The following DNAH11 variants were observed in gnomAD, a reference collection of about 807,000 sequenced individuals.
The protein encoded by DNAH11 is axonemal beta dynein heavy chain 11.
Under a neutral mutation model 526.0 loss-of-function variants are expected in DNAH11, and 442 were observed. The ratio of observed to expected loss-of-function variants is 0.84; its 90% CI spans 0.78 to 0.91. The LOEUF is 0.91. Ranked by LOEUF, DNAH11 falls within the 40% of genes least tolerant of loss-of-function variation. The pLI, the probability that DNAH11 is intolerant of heterozygous loss-of-function variation, is 0.00. For missense variants in DNAH11, 6,989 were observed against 5,448.7 expected (o/e 1.28, Z -8.90); for synonymous variants, 2,461 against 1,935.9 (o/e 1.27, Z -7.12).
chr7:21,619,916 A>G (rs748466834), intron 24 of DNAH11, 40 bp from the exon 25 acceptor site: 5 of 1,529,426 alleles, frequency 3.3e-6, no homozygotes, highest in Admixed American at 4.2e-5. Flanking sequence ...TTGATTATCA[A>G]TTAAATTTTG....
intron 8 of DNAH11, among the ~76,000 whole-genome samples, chr7:21,572,960 G>GA (rs1373139390): frequency 1.3e-5 from 2 of 152,202 alleles, no homozygotes; most frequent in African/African-American, 4.8e-5. Flanking sequence ...AATACGTACA[G>GA]AATGGGATTC....
rs560268294 is a variant in DNAH11, at chr7:21,591,345, A to T, written c.2435A>T (p.Tyr812Phe). 7.4e-6 allele frequency: 12 copies of T among 1,613,780 alleles called. No homozygotes were observed. The South Asian group carries it at 1.3e-4, about 18-fold the overall frequency. The change falls in exon 14 of 82, where the codon TAC (tyrosine) becomes TTC (phenylalanine). Residue 812 changes from tyrosine to phenylalanine, a missense_variant. Transcript: ENST00000409508. ...WLTWQDDCWG[Y>F]IERVRAATSE... The stretch of plus-strand genomic sequence containing the variant: ...ACATGGCAGGATGACTGCTGGGGCT[A>T]CATCGAGAGGGTGAGGGCAGCCACG...
chr7:21,796,703 A>G (rs1303358340), intron 61 of DNAH11, among the ~76,000 whole-genome samples: 2 of 152,198 alleles, frequency 1.3e-5, no homozygotes, highest in Admixed American at 6.5e-5. Flanking sequence ...CACGTGTTAC[A>G]TCTTAGCCCA....
chr7:21,900,836 G>A, intron 81 of DNAH11, 171 bp from the exon 82 acceptor site: 1 of 1,103,972 alleles, frequency 9.1e-7, no homozygotes, highest in Non-Finnish European at 1.2e-6. Flanking sequence ...CTGCAGGCAG[G>A]GTAACCTACC....
In DNAH11 at chr7:21,807,358, G is replaced by A. The variant is rs1290439307; in HGVS notation, c.10166-525G>A. Among the ~76,000 whole-genome samples, 12 of 152,268 alleles carry A rather than the reference G, an allele frequency of 7.9e-5. No individual in the cohort carries two copies. In the East Asian group the frequency reaches 2.3e-3, roughly 29 times the overall value. On this transcript the variant is annotated intron_variant, in intron 62 of 81. Transcript: ENST00000409508. ...TACAAAAAATACAAAAATTTGCCAGGCGTGGTGGTGCATGCCTATAGTCCC... is the reference window on the plus strand; with the variant it reads ...TACAAAAAATACAAAAATTTGCCAGACGTGGTGGTGCATGCCTATAGTCCC...
In DNAH11 at chr7:21,564,350, C is replaced by T. The variant is rs200648006; in HGVS notation, c.1147C>T (p.Arg383Trp). ...SHSKFYNTPA[R>W]VIVLLQEFCN... ...TTCCAAGTTTTATAACACCCCAGCT[C>T]GGGTTATAGTTTTATTGCAAGAGTT... The change falls in exon 6 of 82, where the codon CGG (arginine) becomes TGG (tryptophan). Residue 383 changes from arginine (R) to tryptophan (W), a missense_variant. Arg to Trp is a moderately radical substitution (Grantham distance 101). Coordinates refer to ENST00000409508, the MANE Select transcript of DNAH11 (RefSeq NM_001277115.2). 91 of 1,613,254 alleles carry T rather than the reference C, an allele frequency of 5.6e-5. No individual in the cohort carries two copies. In the Middle Eastern group the frequency reaches 6.7e-4, roughly 12 times the overall value.
intron 40 of DNAH11, among the ~76,000 whole-genome samples, 175 bp from the exon 41 acceptor site, chr7:21,710,378 G>A (rs184310392): frequency 1.3e-5 from 2 of 152,264 alleles, no homozygotes; most frequent in Admixed American, 6.5e-5. Context: ...AAACTTACAC[G>A]TTGGTAAATA....
intron 9 of DNAH11, among the ~76,000 whole-genome samples, chr7:21,584,102 C>T (rs1784403824): frequency 1.3e-5 from 2 of 152,178 alleles, no homozygotes; most frequent in Non-Finnish European, 2.9e-5. Context: ...GATTATAAGT[C>T]ATTCTTCTAT....
At position 21,612,906 on chromosome 7, in the gene DNAH11, T is replaced by C. The variant is rs1210143388; in HGVS notation, c.3853-2208T>C. Among the ~76,000 whole-genome samples the C allele has an allele frequency of 2.0e-5, 3 of 152,354 alleles. No individual in the cohort carries two copies. The East Asian group carries it at 5.8e-4, about 29-fold the overall frequency. ...TTAACAAATTAGGGAGAAAAAATCG[T>C]ATGATTATCGCGAGAAATGCCAAAA... is the stretch of plus-strand genomic sequence containing the variant. On this transcript the variant is annotated intron_variant, in intron 20 of 81. Transcript: ENST00000409508.
At chr7:21,856,212 A>G (rs1054792507) in intron 68 of DNAH11, among the ~76,000 whole-genome samples, 6 of 152,136 alleles carry the variant, frequency 3.9e-5, no homozygotes, top group African/African-American at 1.4e-4. Flanking sequence ...GTGCAACAAG[A>G]AGCCATTGGA....
intron 42 of DNAH11, among the ~76,000 whole-genome samples, chr7:21,714,080 C>T (rs1483416308): frequency 6.6e-6 from 1 of 152,154 alleles, no homozygotes; most frequent in African/African-American, 2.4e-5. Flanking sequence ...TCTCACAGCT[C>T]CCAAGGCATA....
At chr7:21,732,134 T>C (rs766818901) in intron 45 of DNAH11, among the ~76,000 whole-genome samples, 56 of 152,182 alleles carry the variant, frequency 3.7e-4, no homozygotes, top group Non-Finnish European at 7.3e-4. Flanking sequence ...TACCACAGAC[T>C]GGGCAACTTC....
intron 76 of DNAH11, among the ~76,000 whole-genome samples, chr7:21,885,655 G>A (rs560906635): frequency 1.2e-4 from 18 of 151,962 alleles, no homozygotes; most frequent in African/African-American, 3.6e-4. Context: ...TAAGATGATG[G>A]GCCTGCTGAT....
At chr7:21,635,751 A>G in intron 25 of DNAH11, 120 bp from the exon 26 acceptor site, 1 of 718,742 alleles carries the variant, frequency 1.4e-6, no homozygotes, top group Non-Finnish European at 2.1e-6. Flanking sequence ...TGCCAGTTCC[A>G]GATATTACAT....
intron 35 of DNAH11, among the ~76,000 whole-genome samples, chr7:21,691,587 A>G (rs1202654912): frequency 6.6e-6 from 1 of 152,200 alleles, no homozygotes; most frequent in African/African-American, 2.4e-5. Flanking sequence ...AAAAAGTTAC[A>G]TCACCATCCA....
chr7:21,601,600 G>C lies in DNAH11; in HGVS notation c.3630G>C (p.Gln1210His), dbSNP rs3827657. The C allele has an allele frequency of 6.3e-7, 1 of 1,583,880 alleles. No individual in the cohort carries two copies. Among genetic ancestry groups the C allele is most frequent in the Non-Finnish European group, 8.6e-7 (1 of 1,160,134 alleles). The change falls in exon 18 of 82, where the codon CAG becomes CAC. Residue 1210 changes from glutamine to histidine, a missense_variant. Transcript: ENST00000409508. ...GCTATGGCCAGAAGATGCCTGAGCA[G>C]GTCTATATTCAGCTAGAGGTAAGTG... The part of the protein sequence containing the change: ...LESYGQKMPE[Q>H]VYIQLEELPE...
In DNAH11 at chr7:21,755,149, A is replaced by T. The variant is rs543917059; in HGVS notation, c.8940+4785A>T. On this transcript the variant is annotated intron_variant, in intron 54 of 81. Transcript: ENST00000409508. Reference sequence around the variant, plus strand: ...GTCAGTTCCCACTTGGAATGCAGAGACAATGAGAACCTGTTGGCATGCAAA... The same window carrying T: ...GTCAGTTCCCACTTGGAATGCAGAGTCAATGAGAACCTGTTGGCATGCAAA... Among the ~76,000 whole-genome samples the T allele has an allele frequency of 9.8e-5, 15 of 152,298 alleles. No homozygotes were observed. In the South Asian group the frequency reaches 3.1e-3, roughly 32 times the overall value.
At chr7:21,596,387 A>C (rs1468918220) in intron 14 of DNAH11, among the ~76,000 whole-genome samples, 1 of 152,152 alleles carries the variant, frequency 6.6e-6, no homozygotes, top group Non-Finnish European at 1.5e-5. Flanking sequence ...CGTGTAAGGG[A>C]GGTATTTATC....
intron 42 of DNAH11, among the ~76,000 whole-genome samples, chr7:21,714,181 A>G (rs1784563402): frequency 6.6e-6 from 1 of 152,224 alleles, no homozygotes; most frequent in African/African-American, 2.4e-5. Flanking sequence ...GCAGTACATC[A>G]AAGGTCACGG....
Sources: allele counts gnomAD v4.1 joint callset (sites outside exome capture counted in the v4.1 genomes callset), GRCh38; gene constraint gnomAD v4.1.1; transcripts MANE v1.5; gene names NCBI Gene and HGNC (gene_info 2026-07-23, HGNC 2026-07-21).